Variants in PPP2R5E observed in about 807,000 individuals in gnomAD.
PPP2R5E encodes serine/threonine-protein phosphatase 2A 56 kDa regulatory subunit epsilon isoform.
PPP2R5E carries 4 observed loss-of-function variants against 65.3 expected under a neutral mutation model. The ratio of observed to expected loss-of-function variants is 0.06; its 90% confidence interval spans 0.03 to 0.14. The LOEUF is 0.14. PPP2R5E is among the 10% of genes least tolerant of loss of function. The pLI is 1.00. For missense variants in PPP2R5E, 274 were observed against 556.1 expected (o/e 0.49, Z 5.10); for synonymous variants, 183 against 187.4 (o/e 0.98, Z 0.19).
intron 4 of PPP2R5E, among the ~76,000 whole-genome samples, chr14:63,421,251 C>T (rs926815044): frequency 6.6e-6 from 1 of 151,990 alleles, no homozygotes; most frequent in Admixed American, 6.5e-5. Flanking sequence ...CTTTGGGGTT[C>T]AACATGTACA....
chr14:63,437,121 T>C (rs113662986), intron 3 of PPP2R5E, among the ~76,000 whole-genome samples: 9 of 152,156 alleles, frequency 5.9e-5, no homozygotes, highest in African/African-American at 2.2e-4. Context: ...TGGTACCACA[T>C]ACCAACGCCA....
chr14:63,406,177 C>G (rs1457317577), intron 5 of PPP2R5E, among the ~76,000 whole-genome samples: 1 of 151,986 alleles, frequency 6.6e-6, no homozygotes, highest in African/African-American at 2.4e-5. Flanking sequence ...TTTGGGAGGC[C>G]GAGGCGGGCA....
At chr14:63,539,282 G>A (rs1194134824) in intron 2 of PPP2R5E, among the ~76,000 whole-genome samples, 2 of 152,140 alleles carry the variant, frequency 1.3e-5, no homozygotes, top group Non-Finnish European at 2.9e-5. Context: ...CTAGTACTTA[G>A]TTTACCTACT....
At position 63,539,630 on chromosome 14, in the gene PPP2R5E, C is replaced by T; in HGVS notation, c.56G>A (p.Arg19Gln). The T allele has an allele frequency of 1.2e-6, 2 of 1,614,026 alleles. No individual in the cohort carries two copies. Among genetic ancestry groups the T allele is most frequent in the Non-Finnish European group, 1.7e-6 (2 of 1,179,944 alleles). Residue 19 changes from arginine to glutamine, a missense_variant, in exon 2 of 14, where the codon CGG (arginine) becomes CAG (glutamine). Transcript: ENST00000337537. Reference sequence around the variant, plus strand: ...CTGTCTGGCTTTTCTGACGGACTTCCGAGAAAATCCGTCTACTTTATCCAC... The same window carrying T: ...CTGTCTGGCTTTTCTGACGGACTTCTGAGAAAATCCGTCTACTTTATCCAC... ...PSVDKVDGFS[R>Q]KSVRKARQKR...
In PPP2R5E at chr14:63,400,937, GTAT is replaced by G. The variant is rs1885718143; in HGVS notation, c.550-4224_550-4222del. ...ATAAGAGAAGGTTTGAGGGTGTGTA[GTAT>G]TAGCAAAACTTGAATCAACCTTCCT... On this transcript the variant is annotated intron_variant, in intron 5 of 13. Coordinates refer to ENST00000337537, the MANE Select transcript of PPP2R5E (RefSeq NM_006246.5). 5.9e-5 allele frequency among the ~76,000 whole-genome samples: 9 copies of G among 152,268 alleles called. No homozygotes were observed. The South Asian group carries it at 1.9e-3, about 32-fold the overall frequency.
At chr14:63,402,238 T>C (rs1885798447) in intron 5 of PPP2R5E, among the ~76,000 whole-genome samples, 1 of 152,210 alleles carries the variant, frequency 6.6e-6, no homozygotes. Context: ...AGGAAAGACC[T>C]ACAGATATGC....
rs560882258 is a variant in PPP2R5E, at chr14:63,378,455, C to G, written c.1305-2347G>C. ...AAATTGGTTAATTAAGTGTTGACATCATTAAAACATTCATCATCTTGTTAC... is the reference window on the plus strand; with the variant it reads ...AAATTGGTTAATTAAGTGTTGACATGATTAAAACATTCATCATCTTGTTAC... On this transcript the variant is annotated intron_variant, in intron 13 of 13. Coordinates refer to ENST00000337537, the MANE Select transcript of PPP2R5E (RefSeq NM_006246.5). Among the ~76,000 whole-genome samples, 12 of 152,244 alleles carry G rather than the reference C, an allele frequency of 7.9e-5. 1 individual carries two copies. The South Asian group carries it at 2.3e-3, about 29-fold the overall frequency.
At chr14:63,529,418 T>G (rs1248476635) in intron 2 of PPP2R5E, among the ~76,000 whole-genome samples, 1 of 144,484 alleles carries the variant, frequency 6.9e-6, no homozygotes, top group African/African-American at 2.6e-5. Context: ...TGGAGTGCAG[T>G]GGCGCAATCT....
chr14:63,504,694 G>A (rs974277090), intron 2 of PPP2R5E, among the ~76,000 whole-genome samples: 1 of 152,092 alleles, frequency 6.6e-6, no homozygotes, highest in Non-Finnish European at 1.5e-5. Flanking sequence ...TCTAACTGGG[G>A]AGAGAAAACC....
chr14:63,469,783 T>G lies in PPP2R5E; in HGVS notation c.158-15898A>C, dbSNP rs374184647. On this transcript the variant is annotated intron_variant, in intron 2 of 13. Transcript: ENST00000337537. ...CCTGACAAGGAAATGGACCTCCAGC[T>G]TAGGTCCTTCATTATATCCTCCCAT... is the stretch of plus-strand genomic sequence containing the variant. Among the ~76,000 whole-genome samples the G allele has an allele frequency of 1.3e-4, 20 of 152,320 alleles. No individual in the cohort carries two copies. In the East Asian group the frequency reaches 3.5e-3, roughly 26 times the overall value.
chr14:63,438,559 G>C (rs1170179745), intron 3 of PPP2R5E, among the ~76,000 whole-genome samples: 1 of 152,176 alleles, frequency 6.6e-6, no homozygotes, highest in Non-Finnish European at 1.5e-5. Flanking sequence ...CAGCCACTGG[G>C]GGGAGGGGTA....
At position 63,375,928 on chromosome 14, in the gene PPP2R5E, A is replaced by C; in HGVS notation, c.*81T>G. Reference sequence around the variant, plus strand: ...GGTGAAATCTACTGTAAAGTTGCACAATACAGAAAACTGTTGCTCCATCTT... The same window carrying C: ...GGTGAAATCTACTGTAAAGTTGCACCATACAGAAAACTGTTGCTCCATCTT... On this transcript the variant is annotated 3_prime_UTR_variant, in exon 14 of 14. Transcript: ENST00000337537. 1 of 976,590 alleles carries C rather than the reference A, an allele frequency of 1.0e-6. No homozygotes were observed. Among genetic ancestry groups the C allele is most frequent in the Non-Finnish European group, 1.6e-6 (1 of 628,808 alleles). 60.5% of individuals were successfully genotyped at this position (976,590 alleles called of 1,614,324 possible).
At chr14:63,521,996 C>T (rs370079874) in intron 2 of PPP2R5E, among the ~76,000 whole-genome samples, 1 of 145,566 alleles carries the variant, frequency 6.9e-6, no homozygotes, top group African/African-American at 2.6e-5. Flanking sequence ...GATACCGAGC[C>T]GAAGCTGGAC....
intron 3 of PPP2R5E, among the ~76,000 whole-genome samples, chr14:63,434,678 C>A (rs1228422035): frequency 6.6e-6 from 1 of 152,186 alleles, no homozygotes; most frequent in African/African-American, 2.4e-5. Context: ...TCAGGCTGGT[C>A]AAAACCAATT....
chr14:63,382,207 G>C, intron 12 of PPP2R5E, 50 bp from the exon 13 acceptor site: 1 of 1,424,590 alleles, frequency 7.0e-7, no homozygotes, highest in Non-Finnish European at 9.8e-7. Context: ...TATAAAATGG[G>C]ATACTGAATG....
chr14:63,520,014 T>C (rs956872280), intron 2 of PPP2R5E, among the ~76,000 whole-genome samples: 4 of 151,516 alleles, frequency 2.6e-5, no homozygotes, highest in African/African-American at 4.9e-5. Flanking sequence ...AAAACCTTAA[T>C]AGCCCATCCA....
chr14:63,523,727 A>AC (rs1300588926), intron 2 of PPP2R5E, among the ~76,000 whole-genome samples: 4 of 147,318 alleles, frequency 2.7e-5, no homozygotes, highest in African/African-American at 1.1e-4. Context: ...TAAAAAAAAA[A>AC]ACAAAGGTTA....
intron 2 of PPP2R5E, among the ~76,000 whole-genome samples, chr14:63,467,796 A>G (rs894327326): frequency 6.6e-6 from 1 of 152,238 alleles, no homozygotes; most frequent in African/African-American, 2.4e-5. Context: ...ACAGACTTTG[A>G]AATCAGGGGA....
chr14:63,516,671 A>G (rs1204712974), intron 2 of PPP2R5E, among the ~76,000 whole-genome samples: 1 of 152,218 alleles, frequency 6.6e-6, no homozygotes, highest in Non-Finnish European at 1.5e-5. Context: ...TTCACAGGCA[A>G]GATACCAAGA....
Sources: allele counts gnomAD v4.1 joint callset (sites outside exome capture counted in the v4.1 genomes callset), GRCh38; gene constraint gnomAD v4.1.1; transcripts MANE v1.5; gene names NCBI Gene and HGNC (gene_info 2026-07-23, HGNC 2026-07-21).